Variants in SGCZ observed in about 807,000 individuals in gnomAD.
SGCZ encodes sarcoglycan zeta.
A neutral mutation model predicts 41.3 loss-of-function variants in SGCZ; 40 were observed. The observed-to-expected ratio is 0.97, with a 90% CI of 0.75 to 1.26. The LOEUF is 1.26. SGCZ is among the 50% of genes most tolerant of loss of function. The pLI, the probability that SGCZ is intolerant of heterozygous loss-of-function variation, is 0.00. For missense variants in SGCZ, 552 were observed against 369.8 expected, an observed-to-expected ratio of 1.49 and a Z score of -4.04; for synonymous variants, 206 against 137.5, an observed-to-expected ratio of 1.50 and a Z score of -3.49.
At chr8:14,285,912 A>G (rs780451393) in intron 3 of SGCZ, among the ~76,000 whole-genome samples, 2 of 152,158 alleles carry the variant, frequency 1.3e-5, no homozygotes, top group Non-Finnish European at 2.9e-5. Flanking sequence ...GAGACATCCT[A>G]TGATTAGAAT....
chr8:14,128,860 T>C (rs536106346), intron 5 of SGCZ, among the ~76,000 whole-genome samples: 11 of 152,262 alleles, frequency 7.2e-5, no homozygotes, highest in Admixed American at 2.0e-4. Context: ...AAACGACATA[T>C]TCTCACTTCT....
At chr8:14,827,097 C>T (rs1215025170) in intron 1 of SGCZ, among the ~76,000 whole-genome samples, 1 of 151,502 alleles carries the variant, frequency 6.6e-6, no homozygotes, top group Non-Finnish European at 1.5e-5. Context: ...ACATGTTAGA[C>T]ATATCTTTCT....
At chr8:14,126,185 G>A (rs191473309) in intron 5 of SGCZ, among the ~76,000 whole-genome samples, 1 of 152,258 alleles carries the variant, frequency 6.6e-6, no homozygotes, top group East Asian at 1.9e-4. Flanking sequence ...TCATCAGAGT[G>A]AACAGGCAAC....
chr8:15,235,434 A>G (rs1802089389), intron 1 of SGCZ, among the ~76,000 whole-genome samples: 4 of 152,160 alleles, frequency 2.6e-5, no homozygotes, highest in Admixed American at 6.5e-5. Flanking sequence ...AACAACCTCA[A>G]TAGATCCTTG....
At chr8:15,224,506 C>A (rs17472519) in intron 1 of SGCZ, among the ~76,000 whole-genome samples, 6,003 of 152,170 alleles carry the variant, frequency 0.039, 178 homozygotes, top group Non-Finnish European at 0.059. Context: ...TACTACCATA[C>A]GTACCTCAAA....
rs117229884 is a variant in SGCZ, at chr8:14,912,652, C to G, written c.39+324933G>C. On this transcript the variant is annotated intron_variant, in intron 1 of 7. Coordinates refer to ENST00000382080, the MANE Select transcript of SGCZ (RefSeq NM_139167.4). ...AGGAATAGAACAGCATAGCAAAACT[C>G]TGAAAGTCACCATTCACCTGTGAAG... 1.1e-4 allele frequency among the ~76,000 whole-genome samples: 16 copies of G among 152,162 alleles called. No individual in the cohort carries two copies. The East Asian group carries it at 3.1e-3, about 29-fold the overall frequency.
intron 2 of SGCZ, among the ~76,000 whole-genome samples, chr8:14,457,935 G>A (rs1412716004): frequency 6.6e-6 from 1 of 152,072 alleles, no homozygotes; most frequent in African/African-American, 2.4e-5. Context: ...TTGTCTCTTT[G>A]TCTTGTGTCT....
intron 1 of SGCZ, among the ~76,000 whole-genome samples, chr8:14,865,672 T>C (rs759289646): frequency 1.3e-5 from 2 of 152,118 alleles, no homozygotes; most frequent in Non-Finnish European, 2.9e-5. Context: ...CCAACACATC[T>C]GCATAAAGAC....
chr8:14,883,365 G>A (rs1433070741), intron 1 of SGCZ, among the ~76,000 whole-genome samples: 1 of 152,040 alleles, frequency 6.6e-6, no homozygotes, highest in East Asian at 1.9e-4. Context: ...AGAGCCTGAA[G>A]AGAAGGCAAG....
chr8:14,443,859 T>C lies in SGCZ; in HGVS notation c.234+110873A>G, dbSNP rs1486245530. Among the ~76,000 whole-genome samples the C allele has an allele frequency of 1.2e-4, 18 of 152,194 alleles. 1 individual carries two copies. In the South Asian group the frequency reaches 3.5e-3, roughly 30 times the overall value. ...TTCTGCACAGCAAAAGAAACTAACATCAGAGTGAACAGGCAACCTACAGAA... is the reference window on the plus strand; with the variant it reads ...TTCTGCACAGCAAAAGAAACTAACACCAGAGTGAACAGGCAACCTACAGAA... On this transcript the variant is annotated intron_variant, in intron 2 of 7. Transcript: ENST00000382080.
chr8:14,124,856 G>A (rs926395672), intron 5 of SGCZ, among the ~76,000 whole-genome samples: 1 of 151,874 alleles, frequency 6.6e-6, no homozygotes, highest in African/African-American at 2.4e-5. Context: ...AGAACCTAAA[G>A]GTATTATATA....
intron 1 of SGCZ, among the ~76,000 whole-genome samples, chr8:15,063,467 G>T (rs1456058262): frequency 3.9e-5 from 6 of 152,052 alleles, no homozygotes; most frequent in Non-Finnish European, 8.8e-5. Flanking sequence ...TCAGAAACTC[G>T]ACTAACAAAT....
intron 1 of SGCZ, among the ~76,000 whole-genome samples, chr8:14,762,367 G>A (rs920127030): frequency 7.9e-6 from 1 of 127,118 alleles, no homozygotes. Flanking sequence ...CCACTTACTA[G>A]TAGTGTACTT....
chr8:14,087,483 G>C lies in SGCZ; in HGVS notation c.*2960C>G, dbSNP rs140355923. Among the ~76,000 whole-genome samples, 1,424 of 151,574 alleles carry C rather than the reference G, an allele frequency of 9.4e-3. 11 individuals are homozygous for C. The highest frequency in any genetic ancestry group is 0.015 in the Non-Finnish European group (1,008 of 67,704). On this transcript the variant is annotated 3_prime_UTR_variant, in exon 8 of 8. Transcript: ENST00000382080. The stretch of plus-strand genomic sequence containing the variant: ...CCAACCTCTTTTTCTTCTTCCGTTT[G>C]TTCCTTCCTGGCGTACACTGAGTAT...
At chr8:14,648,394 G>A (rs972560262) in intron 1 of SGCZ, among the ~76,000 whole-genome samples, 3 of 152,022 alleles carry the variant, frequency 2.0e-5, no homozygotes, top group Non-Finnish European at 4.4e-5. Context: ...AGTGTTTGAT[G>A]TGTTTGAGTC....
chr8:14,605,986 A>C (rs372843446), intron 1 of SGCZ, among the ~76,000 whole-genome samples: 3 of 152,164 alleles, frequency 2.0e-5, no homozygotes, highest in African/African-American at 7.2e-5. Context: ...AATATGCCAA[A>C]AACTGATAAT....
Position 14,790,739 on chromosome 8 carries a change from A to G in SGCZ, c.40-235813T>C, listed in dbSNP as rs561728171. 1.1e-3 allele frequency among the ~76,000 whole-genome samples: 169 copies of G among 152,292 alleles called. 1 individual carries two copies. Among genetic ancestry groups the G allele is most frequent in the Admixed American group, 2.6e-3 (40 of 15,288 alleles). On this transcript the variant is annotated intron_variant, in intron 1 of 7. Coordinates refer to ENST00000382080, the MANE Select transcript of SGCZ (RefSeq NM_139167.4). ...GGAAATTGATTATGCCGCAGCAGAA[A>G]ATAGTATACAGCCAGGAACGTTGGC...
chr8:14,561,303 C>G (rs1804201138), intron 1 of SGCZ, among the ~76,000 whole-genome samples: 2 of 152,076 alleles, frequency 1.3e-5, no homozygotes, highest in Admixed American at 6.6e-5. Context: ...TACTAACTGC[C>G]TATTGTCATT....
At chr8:14,502,337 C>G (rs1016016962) in intron 2 of SGCZ, among the ~76,000 whole-genome samples, 2 of 152,050 alleles carry the variant, frequency 1.3e-5, no homozygotes, top group Admixed American at 1.3e-4. Flanking sequence ...TGAACCATGT[C>G]TCAATCAGGC....
Sources: gnomAD v4.1 joint callset for allele counts (sites outside exome capture counted in the v4.1 genomes callset) on GRCh38, gnomAD v4.1.1 for gene constraint, MANE v1.5 for transcripts, NCBI Gene and HGNC (gene_info 2026-07-23, HGNC 2026-07-21) for gene names.